The following PACS2 variants were observed in gnomAD, a reference collection of about 807,000 sequenced individuals.
The protein encoded by PACS2 is PACS1-like protein.
PACS2 carries 36 observed loss-of-function variants against 113.0 expected under a neutral mutation model. The observed-to-expected ratio is 0.32, with a 90% CI of 0.24 to 0.42. The LOEUF is 0.42. Ranked by LOEUF, PACS2 falls within the 10% of genes least tolerant of loss-of-function variation. The pLI is 1.00. For synonymous variants in PACS2, 589 were observed against 536.1 expected (o/e 1.10, Z -1.36); for missense variants, 1,015 against 1,239.5 (o/e 0.82, Z 2.72).
chr14:105,359,337 G>A (rs1160044973), intron 4 of PACS2, among the ~76,000 whole-genome samples: 8 of 145,798 alleles, frequency 5.5e-5, no homozygotes, highest in Admixed American at 2.7e-4. Context: ...AATTTTTTTC[G>A]TGATGTGGTT....
intron 15 of PACS2, chr14:105,383,130 G>A (rs1555412549): frequency 1.6e-6 from 1 of 626,788 alleles, no homozygotes; most frequent in Non-Finnish European, 2.8e-6. Context: ...TGGAGTGGTG[G>A]CCTCCTGGCC....
intron 12 of PACS2, among the ~76,000 whole-genome samples, chr14:105,381,632 C>CG (rs1200630338): frequency 3.3e-5 from 5 of 152,188 alleles, no homozygotes; most frequent in Admixed American, 2.6e-4. Context: ...TCAGTCCTCA[C>CG]GGTGGCTCCA....
intron 1 of PACS2, among the ~76,000 whole-genome samples, chr14:105,318,722 T>G: frequency 6.6e-6 from 1 of 150,458 alleles, no homozygotes. Flanking sequence ...GCAGTGGTGC[T>G]GTCTCGGCTC....
chr14:105,335,266 G>C (rs1233704562), intron 1 of PACS2, among the ~76,000 whole-genome samples: 1 of 152,240 alleles, frequency 6.6e-6, no homozygotes, highest in African/African-American at 2.4e-5. Flanking sequence ...TGGAGCCGTG[G>C]TGCTCCCAGA....
At position 105,354,404 on chromosome 14, in the gene PACS2, A is replaced by G. The variant is rs868955980; in HGVS notation, c.298-648A>G. 2.0e-4 allele frequency among the ~76,000 whole-genome samples: 30 copies of G among 152,274 alleles called. 1 individual carries two copies. Among genetic ancestry groups the G allele is most frequent in the South Asian group, 6.2e-4 (3 of 4,824 alleles). On this transcript the variant is annotated intron_variant, in intron 3 of 24. Transcript: ENST00000447393. The surrounding 1 kb of genome is among the most constrained non-coding windows in gnomAD (Gnocchi z 4.2). ...GGTGTGAGCCACCGCGCCTGGCCCAATGCTCCATGGTTCAGTGGGTTTTGA... is the reference window on the plus strand; with the variant it reads ...GGTGTGAGCCACCGCGCCTGGCCCAGTGCTCCATGGTTCAGTGGGTTTTGA...
chr14:105,389,802 G>C (rs1454666353), intron 19 of PACS2, 159 bp from the exon 20 acceptor site: 2 of 693,766 alleles, frequency 2.9e-6, no homozygotes, highest in African/African-American at 1.8e-5. Context: ...GTTGGAGATG[G>C]GTGGGGCCGG....
In PACS2 at chr14:105,382,951, C is replaced by T. The variant is rs781859720; in HGVS notation, c.1625+38C>T. 5 of 1,248,048 alleles carry T rather than the reference C, an allele frequency of 4.0e-6. No individual in the cohort carries two copies. In the South Asian group the frequency reaches 6.0e-5, roughly 15 times the overall value. 77.3% of individuals were successfully genotyped at this position (1,248,048 alleles called of 1,614,324 possible). A position where few individuals can be genotyped will look rare whatever the true frequency, so the allele number is the denominator to read the frequency against. On this transcript the variant is annotated intron_variant, in intron 15 of 24. Coordinates refer to ENST00000447393, the MANE Select transcript of PACS2 (RefSeq NM_001100913.3). ...CCACCCTGTACTCACCACCCAAGTA[C>T]CCCTCGGGGTCCCTGCACCCCCACC...
At chr14:105,369,787 C>A in intron 7 of PACS2, 54 bp from the exon 8 acceptor site, 1 of 1,443,472 alleles carries the variant, frequency 6.9e-7, no homozygotes, top group African/African-American at 1.4e-5. Flanking sequence ...GGGGCTCCAG[C>A]GGCGGGTCTG....
intron 24 of PACS2, 34 bp from the exon 25 acceptor site, chr14:105,394,520 G>C (rs782585847): frequency 6.2e-7 from 1 of 1,607,504 alleles, no homozygotes; most frequent in Non-Finnish European, 8.5e-7. Context: ...AGGCCGGGCA[G>C]GGGGGCAGGC....
At chr14:105,383,219 G>T (rs1555412582) in intron 15 of PACS2, 140 bp from the exon 16 acceptor site, 1 of 966,956 alleles carries the variant, frequency 1.0e-6, no homozygotes, top group South Asian at 1.3e-5. Context: ...GGGGTCCTGG[G>T]CTTGGGCAGC....
chr14:105,319,353 T>G (rs2058798483), intron 1 of PACS2, among the ~76,000 whole-genome samples: 1 of 152,248 alleles, frequency 6.6e-6, no homozygotes, highest in African/African-American at 2.4e-5. Flanking sequence ...TGGTACTGAG[T>G]CTTCTCATTC....
In PACS2 at chr14:105,340,486, C is replaced by T. The variant is rs1379289610; in HGVS notation, c.120-8007C>T. ...GGAATGGTTTCCAGTGAAACTGTCC[C>T]ACCTCCGATCATCAGCCATCAGATT... On this transcript the variant is annotated intron_variant, in intron 1 of 24. Transcript: ENST00000447393. This position sits in a 1 kb window ranked among gnomAD's most constrained non-coding sequence, Gnocchi z 4.2. Among the ~76,000 whole-genome samples the T allele has an allele frequency of 2.6e-5, 4 of 152,170 alleles. No homozygotes were observed. The highest frequency in any genetic ancestry group is 9.7e-5 in the African/African-American group (4 of 41,438).
chr14:105,384,337 C>G lies in PACS2; in HGVS notation c.1781-16C>G. ...GAGTCCCCCGTGGTGACACCAGCCC[C>G]ACCCCTGGCATGCAGGCTCCCACCC... On this transcript the variant is annotated splice_polypyrimidine_tract_variant and intron_variant, in intron 16 of 24. Transcript: ENST00000447393. The G allele has an allele frequency of 6.6e-7, 1 of 1,515,484 alleles. No homozygotes were observed. Among genetic ancestry groups the G allele is most frequent in the Non-Finnish European group, 9.1e-7 (1 of 1,094,198 alleles). 93.9% of individuals were successfully genotyped at this position (1,515,484 alleles called of 1,614,324 possible). A position where few individuals can be genotyped will look rare whatever the true frequency, so the allele number is the denominator to read the frequency against.
In PACS2 at chr14:105,348,553, C is replaced by T; in HGVS notation, c.180C>T (p.Ile60=). Residue 60 remains isoleucine, a synonymous_variant, in exon 2 of 25, where the codon ATC becomes ATT. Transcript: ENST00000447393. The surrounding 1 kb of genome is among the most constrained non-coding windows in gnomAD (Gnocchi z 6.4). ...VVFKELEKEL[I]SVVIAVKMQG... ...TCAAGGAGCTGGAGAAGGAGCTGAT[C>T]TCCGTGGTGATCGCTGTCAAGATGC... 1 of 1,612,268 alleles carries T rather than the reference C, an allele frequency of 6.2e-7. No homozygotes were observed. The highest frequency in any genetic ancestry group is 8.5e-7 in the Non-Finnish European group (1 of 1,179,604).
intron 21 of PACS2, 107 bp downstream of exon 21, chr14:105,391,356 C>T (rs1566971290): frequency 2.4e-5 from 20 of 848,394 alleles, no homozygotes; most frequent in Non-Finnish European, 3.7e-5. Flanking sequence ...GCCTGAGAGC[C>T]GCCACGTCCC....
At chr14:105,316,964 A>G (rs931235142) in intron 1 of PACS2, among the ~76,000 whole-genome samples, 7 of 152,176 alleles carry the variant, frequency 4.6e-5, no homozygotes, top group Admixed American at 2.0e-4. Flanking sequence ...CAGCCTCATA[A>G]TGAGCTCCTG....
rs2060495818 is a variant in PACS2, at chr14:105,357,407, C to T, written c.423+2230C>T. Among the ~76,000 whole-genome samples, 1 of 152,144 alleles carries T rather than the reference C, an allele frequency of 6.6e-6. No homozygotes were observed. Among genetic ancestry groups the T allele is most frequent in the Non-Finnish European group, 1.5e-5 (1 of 68,038 alleles). On this transcript the variant is annotated intron_variant, in intron 4 of 24. Transcript: ENST00000447393. This position sits in a 1 kb window ranked among gnomAD's most constrained non-coding sequence, Gnocchi z 5.1. Reference sequence around the variant, plus strand: ...CCTGTGGCCCCCACCCCAAGGCTCCCTCGCCCTGCACCTGTGGCTTCCAAA... The same window carrying T: ...CCTGTGGCCCCCACCCCAAGGCTCCTTCGCCCTGCACCTGTGGCTTCCAAA...
chr14:105,331,196 C>A (rs1410317191), intron 1 of PACS2, among the ~76,000 whole-genome samples: 2 of 152,298 alleles, frequency 1.3e-5, no homozygotes, highest in African/African-American at 2.4e-5. Flanking sequence ...CTCAGGTGAT[C>A]TGCCTGCCTC....
chr14:105,391,955 G>T lies in PACS2; in HGVS notation c.2255+189G>T, dbSNP rs144142494. ...TCCTGCCACAGATCTGGTGTTTGGG[G>T]GCAGGACCTCTGGGGGACAGAAACT... On this transcript the variant is annotated intron_variant, in intron 22 of 24. Transcript: ENST00000447393. The T allele has an allele frequency of 1.5e-3, 916 of 591,948 alleles. 15 individuals carry two copies. The East Asian group carries it at 0.021, about 14-fold the overall frequency. 36.7% of individuals were successfully genotyped at this position (591,948 alleles called of 1,614,324 possible). A position where few individuals can be genotyped will look rare whatever the true frequency, so the allele number is the denominator to read the frequency against.
Sources: allele counts gnomAD v4.1 joint callset (sites outside exome capture counted in the v4.1 genomes callset), GRCh38; gene constraint gnomAD v4.1.1; non-coding constraint Gnocchi (gnomAD v3.1); transcripts MANE v1.5; gene names NCBI Gene and HGNC (gene_info 2026-07-23, HGNC 2026-07-21).